The following PPDPFL variants were observed in gnomAD, a reference collection of about 807,000 sequenced individuals.
The protein encoded by PPDPFL is pancreatic progenitor cell differentiation and proliferation factor-like protein.
A neutral mutation model predicts 12.6 loss-of-function variants in PPDPFL; 12 were observed. That is an observed-to-expected ratio of 0.95 (90% CI 0.61 to 1.54). The LOEUF (loss-of-function observed/expected upper bound fraction) is 1.54. Among genes scored for constraint, PPDPFL ranks in the 40% most tolerant of loss-of-function variants. The pLI is 0.00. For synonymous variants in PPDPFL, 24 were observed against 32.7 expected (o/e 0.73, Z 0.91); for missense variants, 114 against 96.0 (o/e 1.19, Z -0.78).
In PPDPFL at chr8:49,072,473, AAAC is replaced by A. The variant is rs1487394174; in HGVS notation, c.-51_-49del. On this transcript the variant is annotated 5_prime_UTR_variant, in exon 1 of 5. Transcript: ENST00000522267. ...TTATTTTAAAAGAACGAATTGGAGAAAACAAATCGGTGAGTGACTACCTCATGG... is the reference window on the plus strand; with the variant it reads ...TTATTTTAAAAGAACGAATTGGAGAAAAATCGGTGAGTGACTACCTCATGG... 4 of 164,962 alleles carry A rather than the reference AAAC, an allele frequency of 2.4e-5. No individual in the cohort carries two copies. The highest frequency in any genetic ancestry group is 3.9e-5 in the Non-Finnish European group (3 of 76,838). The allele number at this position is 164,962 out of a possible 1,614,324, so 10.2% of individuals were successfully genotyped here.
At chr8:49,066,337 G>T (rs1299565011) in intron 1 of PPDPFL, among the ~76,000 whole-genome samples, 1 of 152,152 alleles carries the variant, frequency 6.6e-6, no homozygotes, top group Non-Finnish European at 1.5e-5. Context: ...CCCGCTGGGG[G>T]CTCTGTGTTG....
chr8:49,061,442 G>A (rs963911764), intron 1 of PPDPFL, among the ~76,000 whole-genome samples: 75 of 152,154 alleles, frequency 4.9e-4, no homozygotes, highest in African/African-American at 1.8e-3. Context: ...ACAGTTGGCC[G>A]TATTTTATTA....
chr8:49,071,904 T>C (rs1808398040), upstream of PPDPFL, among the ~76,000 whole-genome samples: 2 of 152,216 alleles, frequency 1.3e-5, no homozygotes. Context: ...AGTGCTTTCT[T>C]GCTCCGCTTT....
In PPDPFL at chr8:49,061,490, C is replaced by T. The variant is rs376124512; in HGVS notation, c.-45+7121C>T. Among the ~76,000 whole-genome samples, 379 of 152,258 alleles carry T rather than the reference C, an allele frequency of 2.5e-3. 4 individuals carry two copies. Among genetic ancestry groups the T allele is most frequent in the African/African-American group, 8.7e-3 (362 of 41,556 alleles). ...CAAATGAACACACGGGGCAATTGTC[C>T]AAATGCCCACAGATGGAAATTGGAA... On this transcript the variant is annotated intron_variant, in intron 1 of 4. Transcript: ENST00000517663.
upstream of PPDPFL, among the ~76,000 whole-genome samples, chr8:49,070,210 T>C (rs1203753968): frequency 6.6e-6 from 1 of 151,514 alleles, no homozygotes; most frequent in Non-Finnish European, 1.5e-5. Flanking sequence ...CATAGACACA[T>C]CGAGGGGCAC....
chr8:49,072,796 C>G lies in PPDPFL; in HGVS notation c.-35C>G. The G allele has an allele frequency of 6.4e-7, 1 of 1,554,822 alleles. No homozygotes were observed. Among genetic ancestry groups the G allele is most frequent in the Non-Finnish European group, 8.7e-7 (1 of 1,147,886 alleles). ...TCTGTCGCTGTTTCAGATTAATGCT[C>G]ACAGCTTCTTGGGTGCTTTCTCACG... On this transcript the variant is annotated 5_prime_UTR_variant, in exon 2 of 5. Transcript: ENST00000522267.
intron 1 of PPDPFL, among the ~76,000 whole-genome samples, chr8:49,054,941 A>T (rs1808089468): frequency 6.6e-6 from 1 of 152,092 alleles, no homozygotes. Context: ...GGTGCTCCTC[A>T]AAGCTCTATT....
In PPDPFL at chr8:49,072,840, G is replaced by C. The variant is rs770263479; in HGVS notation, c.10G>C (p.Val4Leu). The change falls in exon 2 of 5, where the codon GTA becomes CTA. Residue 4 changes from valine to leucine, a missense_variant. Transcript: ENST00000522267. MAS[V>L]PSIGCLLARN... ...TCTCACGGGTAAAGCCATGGCATCC[G>C]TACCTTCCATTGGTTGCCTTCTAGC... 4 of 1,604,710 alleles carry C rather than the reference G, an allele frequency of 2.5e-6. No homozygotes were observed. Among genetic ancestry groups the C allele is most frequent in the African/African-American group, 2.7e-5 (2 of 74,344 alleles).
intron 2 of PPDPFL, 30 bp downstream of exon 2, chr8:49,072,915 A>C: frequency 6.4e-7 from 1 of 1,565,392 alleles, no homozygotes; most frequent in Non-Finnish European, 8.7e-7. Context: ...AGACGTCCCT[A>C]GATAATATGA....
chr8:49,061,027 G>C (rs1007650665), intron 1 of PPDPFL, among the ~76,000 whole-genome samples: 1 of 151,996 alleles, frequency 6.6e-6, no homozygotes, highest in African/African-American at 2.4e-5. Flanking sequence ...CCTAGCAGTA[G>C]GGCTGGGCTG....
intron 1 of PPDPFL, among the ~76,000 whole-genome samples, chr8:49,063,970 A>G (rs918879268): frequency 5.9e-5 from 9 of 152,246 alleles, no homozygotes; most frequent in African/African-American, 2.2e-4. Flanking sequence ...AAGAAAGTGC[A>G]CCTGAGCCTC....
Position 49,074,079 on chromosome 8 carries a change from A to C in PPDPFL, c.76A>C (p.Ser26Arg), listed in dbSNP as rs376615339. 1.2e-6 allele frequency: 2 copies of C among 1,611,998 alleles called. No individual in the cohort carries two copies. Among genetic ancestry groups the C allele is most frequent in the African/African-American group, 2.7e-5 (2 of 74,894 alleles). ...YYRKSSVSSV[S>R]SLTSSDSVNF... ...TACAGAGTCCAGTGTTTCTTCAGTT[A>C]GTTCTTTAACTAGCTCTGATTCTGT... The change falls in exon 3 of 5, where the codon AGT (serine) becomes CGT (arginine). Residue 26 changes from serine to arginine, a missense_variant. Ser to Arg is a moderately radical substitution (Grantham distance 110, BLOSUM62 -1). Transcript: ENST00000522267.
intron 4 of PPDPFL, chr8:49,074,599 C>G: frequency 6.5e-7 from 1 of 1,535,806 alleles, no homozygotes; most frequent in Non-Finnish European, 8.7e-7. Flanking sequence ...CATTGTTTGG[C>G]GGGGGATGGA....
At chr8:49,065,758 T>C (rs1808288485) in intron 1 of PPDPFL, among the ~76,000 whole-genome samples, 1 of 152,148 alleles carries the variant, frequency 6.6e-6, no homozygotes, top group South Asian at 2.1e-4. Context: ...TGTGTTAGGA[T>C]CAAGAACAAT....
intron 1 of PPDPFL, among the ~76,000 whole-genome samples, chr8:49,055,163 A>G (rs897800696): frequency 6.6e-6 from 1 of 151,650 alleles, no homozygotes; most frequent in African/African-American, 2.4e-5. Flanking sequence ...CTATGATTTT[A>G]CTTTGTTAAG....
chr8:49,068,321 C>T (rs1191409502), upstream of PPDPFL, among the ~76,000 whole-genome samples: 3 of 152,174 alleles, frequency 2.0e-5, no homozygotes, highest in East Asian at 5.8e-4. Flanking sequence ...GGTACCTGAA[C>T]ACCATGATGC....
intron 1 of PPDPFL, among the ~76,000 whole-genome samples, chr8:49,063,716 A>T (rs1481459066): frequency 6.6e-6 from 1 of 152,108 alleles, no homozygotes; most frequent in East Asian, 1.9e-4. Context: ...AGACCCTGAA[A>T]AAAAAAAGTA....
rs1427432684 is a variant in PPDPFL at position 49,074,076 on chromosome 8, G to A, written c.73G>A (p.Val25Ile). The stretch of plus-strand genomic sequence containing the variant: ...TCCTACAGAGTCCAGTGTTTCTTCA[G>A]TTAGTTCTTTAACTAGCTCTGATTC... Reference protein sequence around the residue: ...QYYRKSSVSSVSSLTSSDSVN... With the variant: ...QYYRKSSVSSISSLTSSDSVN... Residue 25 changes from valine (V) to isoleucine (I), a missense_variant, in exon 3 of 5, where the codon GTT becomes ATT. Coordinates refer to ENST00000522267, the MANE Select transcript of PPDPFL (RefSeq NM_001256597.2). 1.2e-6 allele frequency: 2 copies of A among 1,612,234 alleles called. No homozygotes were observed. Among genetic ancestry groups the A allele is most frequent in the East Asian group, 2.2e-5 (1 of 44,850 alleles).
At chr8:49,056,261 T>G (rs2129243184) in intron 1 of PPDPFL, among the ~76,000 whole-genome samples, 1 of 152,262 alleles carries the variant, frequency 6.6e-6, no homozygotes, top group South Asian at 2.1e-4. Context: ...TTTCCAAGCA[T>G]TTAGAGCACC....
Sources: gnomAD v4.1 joint callset for allele counts (sites outside exome capture counted in the v4.1 genomes callset) on GRCh38, gnomAD v4.1.1 for gene constraint, MANE v1.5 for transcripts, NCBI Gene and HGNC (gene_info 2026-07-23, HGNC 2026-07-21) for gene names.